Variants in NLRP8 observed in about 807,000 individuals in gnomAD.
The protein encoded by NLRP8 is NACHT, LRR and PYD domains-containing protein 8.
NLRP8 carries 86 observed loss-of-function variants against 88.7 expected under a neutral mutation model. The ratio of observed to expected loss-of-function variants is 0.97; its 90% confidence interval spans 0.81 to 1.16. The LOEUF is 1.16. Ranked by LOEUF, NLRP8 falls within the 50% of genes most tolerant of loss-of-function variation. The pLI, the probability that NLRP8 is intolerant of heterozygous loss-of-function variation, is 0.00. For synonymous variants in NLRP8, 504 were observed against 494.6 expected, an observed-to-expected ratio of 1.02 and a Z score of -0.25; for missense variants, 1,342 against 1,286.5, an observed-to-expected ratio of 1.04 and a Z score of -0.66.
Position 55,973,766 on chromosome 19 carries a change from G to C in NLRP8, c.2649G>C (p.Gly883=). 6.2e-7 allele frequency: 1 copy of C among 1,613,964 alleles called. No individual in the cohort carries two copies. Among genetic ancestry groups the C allele is most frequent in the Non-Finnish European group, 8.5e-7 (1 of 1,179,958 alleles). Residue 883 remains glycine (G), a synonymous_variant, in exon 7 of 10, where the codon GGG becomes GGC. Coordinates refer to ENST00000291971, the MANE Select transcript of NLRP8 (RefSeq NM_176811.2). ...CAGAAAACGCCTTGAAAGATGAAGGGGCCAAGCATATTTGGAATGCCCTGC... is the reference window on the plus strand; with the variant it reads ...CAGAAAACGCCTTGAAAGATGAAGGCGCCAAGCATATTTGGAATGCCCTGC...
Position 55,957,675 on chromosome 19 carries a change from ATATATATAT to A in NLRP8, c.2042+1576_2042+1584del, listed in dbSNP as rs1979425928. 7.5e-4 allele frequency among the ~76,000 whole-genome samples: 79 copies of A among 105,568 alleles called. 1 individual carries two copies. The highest frequency in any genetic ancestry group is 2.7e-3 in the African/African-American group (59 of 21,872). 69.3% of individuals were successfully genotyped at this position (105,568 alleles called of 152,430 possible). ...TCTTAAAAAAGAAAAAATAATAATT[ATATATATAT>A]ATATATATATATATATATATATATA... On this transcript the variant is annotated intron_variant, in intron 3 of 9. Transcript: ENST00000291971.
chr19:55,966,228 T>G lies in NLRP8; in HGVS notation c.2229T>G (p.Asn743Lys). 1 of 1,614,092 alleles carries G rather than the reference T, an allele frequency of 6.2e-7. No homozygotes were observed. Among genetic ancestry groups the G allele is most frequent in the East Asian group, 2.2e-5 (1 of 44,870 alleles). Residue 743 changes from asparagine to lysine, a missense_variant, in exon 5 of 10, where the codon AAT becomes AAG. Physicochemically the swap from Asn to Lys is moderately conservative, Grantham distance 94. Transcript: ENST00000291971. ...CCCTCTCCAGCCTAAGGCGTGTGAA[T>G]AGCACCATGTTGAACCAGGACTTAA...
At chr19:55,974,885 G>T (rs1423695478) in intron 7 of NLRP8, among the ~76,000 whole-genome samples, 1 of 151,972 alleles carries the variant, frequency 6.6e-6, no homozygotes, top group African/African-American at 2.4e-5. Flanking sequence ...TGTTCTTTCT[G>T]GCTGCTTGTA....
At chr19:55,961,582 G>A (rs371644439) in intron 3 of NLRP8, among the ~76,000 whole-genome samples, 4 of 152,038 alleles carry the variant, frequency 2.6e-5, no homozygotes, top group African/African-American at 4.8e-5. Context: ...CAGGAGGAGC[G>A]CTTGAGCCCA....
At chr19:55,983,463 C>CAAAAAAAAAAA (rs3974175) in intron 9 of NLRP8, among the ~76,000 whole-genome samples, 8 of 85,324 alleles carry the variant, frequency 9.4e-5, no homozygotes, top group East Asian at 8.4e-4. Flanking sequence ...GACTCCATCT[C>CAAAAAAAAAAA]AAAAAAAAAA....
At chr19:55,950,141 TG>T (rs1258052574) in intron 1 of NLRP8, among the ~76,000 whole-genome samples, 6 of 151,754 alleles carry the variant, frequency 4.0e-5, no homozygotes, top group African/African-American at 9.7e-5. Flanking sequence ...CCAGGCACGG[TG>T]GCTCACGCCT....
chr19:55,954,633 T>C lies in NLRP8; in HGVS notation c.575T>C (p.Leu192Pro). 1 of 1,614,216 alleles carries C rather than the reference T, an allele frequency of 6.2e-7. No homozygotes were observed. The highest frequency in any genetic ancestry group is 8.5e-7 in the Non-Finnish European group (1 of 1,180,040). Residue 192 changes from leucine to proline, a missense_variant, in exon 3 of 10, where the codon CTG becomes CCG. Transcript: ENST00000291971. ...AGGCACGAGGAGTACTTACCATGTC[T>C]GCTTCTGCCCAAAAGACCCCAGGGT...
At chr19:55,960,152 A>G (rs1979546584) in intron 3 of NLRP8, among the ~76,000 whole-genome samples, 1 of 152,058 alleles carries the variant, frequency 6.6e-6, no homozygotes, top group East Asian at 1.9e-4. Flanking sequence ...CTTTTGTTAC[A>G]TTCCAGCCTT....
chr19:55,974,735 CAA>C (rs550499918), intron 7 of NLRP8, among the ~76,000 whole-genome samples: 23 of 78,428 alleles, frequency 2.9e-4, no homozygotes, highest in Non-Finnish European at 3.5e-4. Flanking sequence ...GACTCTGTCT[CAA>C]AAAAAAAAAA....
Position 55,948,131 on chromosome 19 carries a change from G to A in NLRP8, c.229G>A (p.Glu77Lys), listed in dbSNP as rs769694462. ...CATGCCCATCACCTGGGACCAGGTC[G>A]AGACAGCCAGCTGGGCAGAGGTGGT... The change falls in exon 1 of 10, where the codon GAG becomes AAG. Residue 77 changes from glutamate to lysine, a missense_variant. Physicochemically the swap from Glu to Lys is moderately conservative, Grantham distance 56. Coordinates refer to ENST00000291971, the MANE Select transcript of NLRP8 (RefSeq NM_176811.2). 4.3e-5 allele frequency: 70 copies of A among 1,614,030 alleles called. No homozygotes were observed. The highest frequency in any genetic ancestry group is 8.8e-5 in the South Asian group (8 of 91,080).
At chr19:55,982,157 C>A (rs1980602390) in intron 9 of NLRP8, among the ~76,000 whole-genome samples, 1 of 152,186 alleles carries the variant, frequency 6.6e-6, no homozygotes, top group Non-Finnish European at 1.5e-5. Context: ...CTGCCTTGGC[C>A]TCCCAAAGTG....
chr19:55,956,672 T>C (rs1979370640), intron 3 of NLRP8, among the ~76,000 whole-genome samples: 1 of 152,250 alleles, frequency 6.6e-6, no homozygotes, highest in African/African-American at 2.4e-5. Flanking sequence ...GGACTGAAGG[T>C]GTTCCTGGGA....
chr19:55,988,167 A>G lies in NLRP8; in HGVS notation c.*254A>G, dbSNP rs1274313173. 4 of 262,552 alleles carry G rather than the reference A, an allele frequency of 1.5e-5. No homozygotes were observed. The highest frequency in any genetic ancestry group is 6.3e-5 in the South Asian group (1 of 15,952). The allele number at this position is 262,552 out of a possible 1,614,324, so 16.3% of individuals were successfully genotyped here. A position where few individuals can be genotyped will look rare whatever the true frequency, so the allele number is the denominator to read the frequency against. ...AGCACTATGGGAGGTCGAGGTGGGC[A>G]GATTACCTGAGGTCAGGAGTTCCAG... On this transcript the variant is annotated 3_prime_UTR_variant, in exon 10 of 10. Transcript: ENST00000291971.
Position 55,988,436 on chromosome 19 carries a change from GTGTGTGTGTA to G in NLRP8, c.*525_*534del, listed in dbSNP as rs1439033530. On this transcript the variant is annotated 3_prime_UTR_variant, in exon 10 of 10. Transcript: ENST00000291971. ...TACATATACACATAAATATATATAT[GTGTGTGTGTA>G]TATATATATATATATATATATATGC... The G allele has an allele frequency of 1.5e-4, 14 of 93,430 alleles. No individual in the cohort carries two copies. Among genetic ancestry groups the G allele is most frequent in the African/African-American group, 5.8e-4 (14 of 23,956 alleles). 5.8% of individuals were successfully genotyped at this position (93,430 alleles called of 1,614,324 possible). A position where few individuals can be genotyped will look rare whatever the true frequency, so the allele number is the denominator to read the frequency against.
chr19:55,977,401 TTA>T (rs1980396329), intron 8 of NLRP8, among the ~76,000 whole-genome samples: 1 of 121,658 alleles, frequency 8.2e-6, no homozygotes, highest in Admixed American at 8.2e-5. Context: ...TACGAATATA[TTA>T]TATGTAAATA....
intron 2 of NLRP8, 121 bp downstream of exon 2, chr19:55,952,733 A>G (rs1390553255): frequency 4.1e-6 from 3 of 737,158 alleles, no homozygotes; most frequent in Non-Finnish European, 6.9e-6. Flanking sequence ...TTCTACAATC[A>G]GAACCAACAT....
At chr19:55,953,819 T>TTA (rs398038502) in intron 2 of NLRP8, among the ~76,000 whole-genome samples, 5 of 140,962 alleles carry the variant, frequency 3.5e-5, no homozygotes, top group Non-Finnish European at 7.7e-5. Flanking sequence ...TTTTTTTTTT[T>TTA]AAGACAGAGT....
At position 55,974,221 on chromosome 19, in the gene NLRP8, T is replaced by C. The variant is rs558745399; in HGVS notation, c.2705+399T>C. 4.0e-5 allele frequency among the ~76,000 whole-genome samples: 6 copies of C among 150,952 alleles called. 1 individual carries two copies. In the East Asian group the frequency reaches 1.2e-3, roughly 29 times the overall value. On this transcript the variant is annotated intron_variant, in intron 7 of 9. Transcript: ENST00000291971. ...AGGTTTATTTTAGAGAAAACAGACC[T>C]GAGAGGGGCTTCTGGCCGAGTTAGG...
At chr19:55,966,479 TGA>T in intron 5 of NLRP8, 99 bp downstream of exon 5, 2 of 1,169,002 alleles carry the variant, frequency 1.7e-6, no homozygotes, top group Non-Finnish European at 2.4e-6. Flanking sequence ...TCCTTTCCTT[TGA>T]TCTGCTGTTG....
Sources: gnomAD v4.1 joint callset for allele counts (sites outside exome capture counted in the v4.1 genomes callset) on GRCh38, gnomAD v4.1.1 for gene constraint, MANE v1.5 for transcripts, NCBI Gene and HGNC (gene_info 2026-07-23, HGNC 2026-07-21) for gene names.